Variants in C12orf42 observed in about 807,000 individuals in gnomAD.
C12orf42 encodes the protein uncharacterized protein C12orf42.
Under a neutral mutation model 21.6 loss-of-function variants are expected in C12orf42, and 25 were observed. The ratio of observed to expected loss-of-function variants is 1.16; its 90% CI spans 0.84 to 1.62. C12orf42 has a LOEUF of 1.62. C12orf42 is among the 40% of genes most tolerant of loss of function. The pLI is 0.00. For synonymous variants in C12orf42, 174 were observed against 175.0 expected (o/e 0.99, Z 0.05); for missense variants, 483 against 459.3 (o/e 1.05, Z -0.47).
At chr12:103,087,333 G>T in the C12orf42 span, among the ~76,000 whole-genome samples, 468 of 152,236 alleles carry the variant, frequency 3.1e-3, 3 homozygotes, top group African/African-American at 0.01. Context: ...GCTATAATTT[G>T]CTAAAAACAC....
intron 3 of C12orf42, among the ~76,000 whole-genome samples, chr12:103,377,986 C>A (rs907083613): frequency 2.0e-5 from 3 of 152,082 alleles, no homozygotes; most frequent in Non-Finnish European, 4.4e-5. Flanking sequence ...TAAAGCAGGG[C>A]GTTTCAATCT....
chr12:103,241,818 G>A (rs894275774), intron 10 of C12orf42, among the ~76,000 whole-genome samples: 1 of 152,124 alleles, frequency 6.6e-6, no homozygotes, highest in African/African-American at 2.4e-5. Context: ...GGATCAAAAG[G>A]AAGCCTGAAA....
At chr12:103,549,257 T>C in the C12orf42 span, among the ~76,000 whole-genome samples, 1 of 152,184 alleles carries the variant, frequency 6.6e-6, no homozygotes, top group Non-Finnish European at 1.5e-5. Context: ...TTGTTATTTT[T>C]TTCTCAACTT....
the C12orf42 span, among the ~76,000 whole-genome samples, chr12:103,095,261 A>G: frequency 2.6e-5 from 4 of 152,196 alleles, no homozygotes; most frequent in Non-Finnish European, 4.4e-5. Flanking sequence ...CATCAGGTTC[A>G]GAATAAAGTC....
At chr12:103,308,439 C>T (rs1418473249) in intron 4 of C12orf42, among the ~76,000 whole-genome samples, 1 of 152,154 alleles carries the variant, frequency 6.6e-6, no homozygotes, top group African/African-American at 2.4e-5. Flanking sequence ...ATTCAGAAAT[C>T]ATCTTCAATT....
At chr12:103,499,134 A>G (rs1020459470), upstream of C12orf42, among the ~76,000 whole-genome samples, 2 of 152,166 alleles carry the variant, frequency 1.3e-5, no homozygotes, top group African/African-American at 4.8e-5. Flanking sequence ...GGGAGATGTT[A>G]GTCAAAGGGG....
chr12:103,081,683 T>C, the C12orf42 span: 3 of 152,224 alleles, frequency 2.0e-5, no homozygotes, highest in Non-Finnish European at 2.9e-5. Flanking sequence ...GAAGGCATTA[T>C]TCCATCCTCT....
At chr12:103,520,360 A>T in the C12orf42 span, among the ~76,000 whole-genome samples, 1 of 152,078 alleles carries the variant, frequency 6.6e-6, no homozygotes, top group Non-Finnish European at 1.5e-5. Context: ...ACCTTATAAT[A>T]TACACTCCTC....
chr12:103,167,889 T>TGA, the C12orf42 span: 3 of 265,498 alleles, frequency 1.1e-5, no homozygotes, highest in African/African-American at 8.1e-5. Flanking sequence ...CGTGTGTGTG[T>TGA]GTGTGTGTGT....
At chr12:103,196,082 T>G in the C12orf42 span, among the ~76,000 whole-genome samples, 1 of 152,182 alleles carries the variant, frequency 6.6e-6, no homozygotes, top group Non-Finnish European at 1.5e-5. Flanking sequence ...CTATAAACTT[T>G]CCTTTTAACA....
the C12orf42 span, among the ~76,000 whole-genome samples, chr12:103,111,476 T>C: frequency 6.6e-6 from 1 of 152,212 alleles, no homozygotes; most frequent in South Asian, 2.1e-4. Context: ...TGAATATTAG[T>C]GAGTGCTTAC....
chr12:103,530,477 C>A, the C12orf42 span, among the ~76,000 whole-genome samples: 1 of 152,170 alleles, frequency 6.6e-6, no homozygotes, highest in East Asian at 1.9e-4. Context: ...TCATTTGTGA[C>A]GAGTGGGAAA....
the C12orf42 span, among the ~76,000 whole-genome samples, chr12:103,171,284 G>T: frequency 6.6e-6 from 1 of 152,100 alleles, no homozygotes; most frequent in Admixed American, 6.6e-5. Context: ...CTTATTAGTT[G>T]TTTATTGTCT....
At chr12:103,526,445 T>C in the C12orf42 span, among the ~76,000 whole-genome samples, 7 of 152,196 alleles carry the variant, frequency 4.6e-5, no homozygotes, top group East Asian at 1.4e-3. Flanking sequence ...AACTCAAGGG[T>C]TTGGGGTAAG....
the C12orf42 span, among the ~76,000 whole-genome samples, chr12:103,530,095 C>A: frequency 6.6e-6 from 1 of 152,202 alleles, no homozygotes; most frequent in Non-Finnish European, 1.5e-5. Context: ...CTTTACACAG[C>A]TAGTGGAGAT....
the C12orf42 span, among the ~76,000 whole-genome samples, chr12:103,184,635 A>G: frequency 6.6e-6 from 1 of 151,348 alleles, no homozygotes; most frequent in Non-Finnish European, 1.5e-5. Flanking sequence ...TTTCTCTTCT[A>G]GTTTAGGAAG....
the C12orf42 span, among the ~76,000 whole-genome samples, chr12:103,542,182 A>G: frequency 6.6e-6 from 1 of 152,246 alleles, no homozygotes; most frequent in Non-Finnish European, 1.5e-5. Context: ...GGATGTTGAA[A>G]GAATAAGCTG....
intron 1 of C12orf42, among the ~76,000 whole-genome samples, chr12:103,489,873 G>A (rs1391697381): frequency 2.0e-5 from 3 of 152,182 alleles, no homozygotes; most frequent in Non-Finnish European, 2.9e-5. Context: ...CCCTTGGCTA[G>A]GAAAGGGAAA....
intron 3 of C12orf42, among the ~76,000 whole-genome samples, chr12:103,372,716 C>G (rs533367941): frequency 1.1e-4 from 17 of 152,284 alleles, no homozygotes; most frequent in African/African-American, 3.9e-4. Context: ...ACTCTCTCCT[C>G]TGTGATCCAA....
Sources: gnomAD v4.1 joint callset for allele counts (sites outside exome capture counted in the v4.1 genomes callset) on GRCh38, gnomAD v4.1.1 for gene constraint, MANE v1.5 for transcripts, NCBI Gene and HGNC (gene_info 2026-07-23, HGNC 2026-07-21) for gene names.